The following CMTM4 variants were observed in gnomAD, a reference collection of about 807,000 sequenced individuals.
The protein encoded by CMTM4 is CKLF-like MARVEL transmembrane domain-containing protein 4.
A neutral mutation model predicts 19.0 loss-of-function variants in CMTM4; 8 were observed. The observed-to-expected ratio is 0.42, with a 90% CI of 0.25 to 0.76. The LOEUF is 0.76. Among genes scored for constraint, CMTM4 ranks in the 30% least tolerant of loss-of-function variants. The probability of loss-of-function intolerance (pLI) is 0.27; values close to 1 mark genes in which losing one functional copy is unlikely to be tolerated. For synonymous variants in CMTM4, 106 were observed against 121.1 expected (o/e 0.88, Z 0.82); for missense variants, 228 against 290.2 (o/e 0.79, Z 1.56).
intron 1 of CMTM4, among the ~76,000 whole-genome samples, chr16:66,658,604 C>A (rs1701962840): frequency 6.6e-6 from 1 of 152,090 alleles, no homozygotes; most frequent in African/African-American, 2.4e-5. Context: ...GGCTCTAGGA[C>A]AAGATTTCTC....
Position 66,696,438 on chromosome 16 carries a change from TG to T in CMTM4, c.87del (p.Thr30ProfsTer5). On this transcript the variant is annotated frameshift_variant, in exon 1 of 4. Transcript: ENST00000394106. LOFTEE classifies it high-confidence loss of function. The surrounding 1 kb of genome is among the most constrained non-coding windows in gnomAD (Gnocchi z 4.3). The stretch of plus-strand genomic sequence containing the variant: ...CGGCGCTGGCTCACCGGCTCGGTGG[TG>T]GGCTGGTACGGGCTGCTGGCGCCCG... Reference protein sequence around the residue: ...MISGASSPYQPTTEPVSQRRG... With the variant: ...MISGASSPYQXTTEPVSQRRG... 7.3e-7 allele frequency: 1 copy of T among 1,376,098 alleles called. No individual in the cohort carries two copies. Among genetic ancestry groups the T allele is most frequent in the Non-Finnish European group, 9.4e-7 (1 of 1,065,172 alleles). The allele number at this position is 1,376,098 out of a possible 1,614,324, so 85.2% of individuals were successfully genotyped here.
chr16:66,606,248 A>G, the CMTM4 span, among the ~76,000 whole-genome samples: 1 of 152,140 alleles, frequency 6.6e-6, no homozygotes, highest in Non-Finnish European at 1.5e-5. Flanking sequence ...GCTGAGATGG[A>G]CAGAAACAGA....
At chr16:66,695,309 T>G (rs1207499011) in intron 1 of CMTM4, among the ~76,000 whole-genome samples, 2 of 152,086 alleles carry the variant, frequency 1.3e-5, no homozygotes, top group African/African-American at 2.4e-5. Flanking sequence ...ATCGCACCAG[T>G]GCACTCCACC....
intron 2 of CMTM4, among the ~76,000 whole-genome samples, chr16:66,632,382 G>C (rs539241867): frequency 6.6e-6 from 1 of 152,206 alleles, no homozygotes; most frequent in Non-Finnish European, 1.5e-5. Flanking sequence ...TGGGGGAAGG[G>C]GCAGGGGGTG....
At chr16:66,646,660 A>G (rs2016207055) in intron 1 of CMTM4, among the ~76,000 whole-genome samples, 1 of 151,954 alleles carries the variant, frequency 6.6e-6, no homozygotes, top group African/African-American at 2.4e-5. Flanking sequence ...GTTAAATTTT[A>G]GTGACCTCTA....
chr16:66,611,026 C>A, downstream of CMTM4: 1 of 397,696 alleles, frequency 2.5e-6, no homozygotes, highest in Non-Finnish European at 4.4e-6. Flanking sequence ...AGACAACCAG[C>A]CCAGGGACCA....
At chr16:66,694,406 C>A (rs2144934947) in intron 1 of CMTM4, among the ~76,000 whole-genome samples, 1 of 152,170 alleles carries the variant, frequency 6.6e-6, no homozygotes, top group East Asian at 1.9e-4. Context: ...TGGCTAGCTG[C>A]CTCTTTTAAA....
At position 66,626,990 on chromosome 16, in the gene CMTM4, C is replaced by A. The variant is rs547208582; in HGVS notation, c.364-3488G>T. Reference sequence around the variant, plus strand: ...TGGTAGTGCGTTCCTGTAGTCCCAGCTACTTGGAAGGCTGAGGTAGGAAGA... The same window carrying A: ...TGGTAGTGCGTTCCTGTAGTCCCAGATACTTGGAAGGCTGAGGTAGGAAGA... On this transcript the variant is annotated intron_variant, in intron 2 of 3. Transcript: ENST00000394106. Among the ~76,000 whole-genome samples the A allele has an allele frequency of 5.3e-5, 8 of 152,170 alleles. No homozygotes were observed. The South Asian group carries it at 1.7e-3, about 32-fold the overall frequency.
In CMTM4 at chr16:66,615,669, C is replaced by G. The variant is rs374570910; in HGVS notation, c.*6389G>C. 6.6e-6 allele frequency: 1 copy of G among 152,210 alleles called. No homozygotes were observed. The highest frequency in any genetic ancestry group is 1.5e-5 in the Non-Finnish European group (1 of 68,066). The allele number at this position is 152,210 out of a possible 1,614,324, so 9.4% of individuals were successfully genotyped here. A position where few individuals can be genotyped will look rare whatever the true frequency, so the allele number is the denominator to read the frequency against. On this transcript the variant is annotated 3_prime_UTR_variant, in exon 4 of 4. Transcript: ENST00000394106. The surrounding 1 kb of genome is among the most constrained non-coding windows in gnomAD (Gnocchi z 4.9). ...GCAGGAAGGCCATGCCTCTGCAGGA[C>G]GCTCGCACTGATTCTGGAAGGGGCC...
intron 2 of CMTM4, among the ~76,000 whole-genome samples, chr16:66,634,609 T>TAAACAGGG (rs2015955284): frequency 6.6e-6 from 1 of 152,010 alleles, no homozygotes; most frequent in African/African-American, 2.4e-5. Flanking sequence ...CTGGTGGAAG[T>TAAACAGGG]AAACAGGGGA....
chr16:66,658,164 A>C (rs992596984), intron 1 of CMTM4, among the ~76,000 whole-genome samples: 1 of 148,866 alleles, frequency 6.7e-6, no homozygotes, highest in African/African-American at 2.4e-5. Context: ...CAGGAGGTCT[A>C]GGCTGCAGTG....
At chr16:66,658,400 G>A (rs2016438745) in intron 1 of CMTM4, among the ~76,000 whole-genome samples, 2 of 152,132 alleles carry the variant, frequency 1.3e-5, no homozygotes, top group South Asian at 4.1e-4. Flanking sequence ...TTCTTTTTCT[G>A]CCTGTTCATT....
chr16:66,645,608 CT>C (rs2016179535), intron 1 of CMTM4, among the ~76,000 whole-genome samples: 1 of 151,712 alleles, frequency 6.6e-6, no homozygotes, highest in South Asian at 2.1e-4. Context: ...CTGTGCACAC[CT>C]TTAGACCCAG....
At chr16:66,650,257 G>A (rs2016286340) in intron 1 of CMTM4, among the ~76,000 whole-genome samples, 2 of 152,282 alleles carry the variant, frequency 1.3e-5, no homozygotes, top group South Asian at 2.1e-4. Context: ...CCTCACCAAA[G>A]TGCCTCTGTT....
At chr16:66,672,475 ATATATATAATATGTATATATTAT>A (rs962385147) in intron 1 of CMTM4, among the ~76,000 whole-genome samples, 2 of 149,928 alleles carry the variant, frequency 1.3e-5, no homozygotes, top group Non-Finnish European at 3.0e-5. Flanking sequence ...AACAACTTAT[ATATATATAATATGTATATATTAT>A]TATATATAGG....
chr16:66,634,920 G>A (rs2015961716), intron 2 of CMTM4, among the ~76,000 whole-genome samples: 1 of 152,176 alleles, frequency 6.6e-6, no homozygotes, highest in Non-Finnish European at 1.5e-5. Context: ...AATGCCTATA[G>A]TCTTAACCTT....
Position 66,616,390 on chromosome 16 carries a change from A to G in CMTM4, c.*5668T>C, listed in dbSNP as rs1184556572. On this transcript the variant is annotated 3_prime_UTR_variant, in exon 4 of 4. Coordinates refer to ENST00000394106, the MANE Select transcript of CMTM4 (RefSeq NM_181521.3). ...TATACAAATAGTTTCAATTCCTACC[A>G]TTCTCTTAGAGGGAACCACGTCAAA... 6.6e-6 allele frequency: 1 copy of G among 152,206 alleles called. No individual in the cohort carries two copies. The highest frequency in any genetic ancestry group is 2.4e-5 in the African/African-American group (1 of 41,450). 9.4% of individuals were successfully genotyped at this position (152,206 alleles called of 1,614,324 possible).
At chr16:66,687,711 G>A (rs1363767122) in intron 1 of CMTM4, among the ~76,000 whole-genome samples, 16 of 132,558 alleles carry the variant, frequency 1.2e-4, no homozygotes, top group Non-Finnish European at 1.9e-4. Context: ...TTTTTGAGAC[G>A]GAGTCTCGCT....
In CMTM4 at chr16:66,622,736, C is replaced by G. The variant is rs946947741; in HGVS notation, c.463-514G>C. 6.6e-6 allele frequency among the ~76,000 whole-genome samples: 1 copy of G among 152,176 alleles called. No individual in the cohort carries two copies. The highest frequency in any genetic ancestry group is 1.5e-5 in the Non-Finnish European group (1 of 68,034). ...AATGTTCCACATCACAGCCCCCATC[C>G]CACACCTGCCTCTCATGGGGCAGCT... On this transcript the variant is annotated intron_variant, in intron 3 of 3. Coordinates refer to ENST00000394106, the MANE Select transcript of CMTM4 (RefSeq NM_181521.3). The surrounding 1 kb of genome is among the most constrained non-coding windows in gnomAD (Gnocchi z 4.0).
Sources: allele counts gnomAD v4.1 joint callset (sites outside exome capture counted in the v4.1 genomes callset), GRCh38; gene constraint gnomAD v4.1.1; non-coding constraint Gnocchi (gnomAD v3.1); transcripts MANE v1.5; gene names NCBI Gene and HGNC (gene_info 2026-07-23, HGNC 2026-07-21).